The following CUX1 variants were observed in gnomAD, a reference collection of about 807,000 sequenced individuals.
CUX1 encodes protein CASP.
A neutral mutation model predicts 158.8 loss-of-function variants in CUX1; 31 were observed. The observed-to-expected ratio is 0.20, with a 90% confidence interval of 0.15 to 0.26. The LOEUF (loss-of-function observed/expected upper bound fraction) is 0.26, where lower values mean the gene tolerates loss of function less well. Among genes scored for constraint, CUX1 ranks in the 10% least tolerant of loss-of-function variants. The pLI, the probability that CUX1 is intolerant of heterozygous loss-of-function variation, is 1.00. For synonymous variants in CUX1, 879 were observed against 862.1 expected (o/e 1.02, Z -0.34); for missense variants, 1,589 against 2,014.6 (o/e 0.79, Z 4.04).
At position 102,258,065 on chromosome 7, in the gene CUX1, T is replaced by G. The variant is rs1790098823; in HGVS notation, c.*9023T>G. On this transcript the variant is annotated 3_prime_UTR_variant, in exon 24 of 24. Coordinates refer to ENST00000292535, the MANE Select transcript of CUX1 (RefSeq NM_181552.4). ...GGAGGCACCCGTCGGCCCCTTGGTG[T>G]TGTCCCTCTGTCTTTGGTTAGCCAT... 2 of 985,246 alleles carry G rather than the reference T, an allele frequency of 2.0e-6. No homozygotes were observed. The highest frequency in any genetic ancestry group is 3.5e-5 in the African/African-American group (2 of 57,206). 61.0% of individuals were successfully genotyped at this position (985,246 alleles called of 1,614,324 possible).
intron 2 of CUX1, among the ~76,000 whole-genome samples, chr7:102,020,003 C>T (rs1299832629): frequency 6.6e-6 from 1 of 152,108 alleles, no homozygotes; most frequent in Non-Finnish European, 1.5e-5. Flanking sequence ...AAAGACTATT[C>T]ATTTATTTCA....
At position 101,817,677 on chromosome 7, in the gene CUX1, G is replaced by A. The variant is rs908228533; in HGVS notation, c.30+8G>A. ...GCCGGAGCCAGGTTGAAGGTGAGCG[G>A]CGTGTGGGCCAGAAGTCCCGAGGTT... is the stretch of plus-strand genomic sequence containing the variant. On this transcript the variant is annotated splice_region_variant and intron_variant, in intron 1 of 23. Coordinates refer to ENST00000292535, the MANE Select transcript of CUX1 (RefSeq NM_181552.4). This position sits in a 1 kb window ranked among gnomAD's most constrained non-coding sequence, Gnocchi z 4.1. 6.4e-7 allele frequency: 1 copy of A among 1,551,582 alleles called. No homozygotes were observed. Among genetic ancestry groups the A allele is most frequent in the Non-Finnish European group, 8.7e-7 (1 of 1,147,502 alleles).
At chr7:101,999,845 T>G (rs1235167817) in intron 2 of CUX1, among the ~76,000 whole-genome samples, 1 of 152,218 alleles carries the variant, frequency 6.6e-6, no homozygotes, top group African/African-American at 2.4e-5. Context: ...TGAAATCCTT[T>G]GTCCCAAACC....
chr7:101,984,444 TC>T (rs1340424645), intron 2 of CUX1, among the ~76,000 whole-genome samples: 5 of 150,568 alleles, frequency 3.3e-5, no homozygotes, highest in African/African-American at 7.4e-5. Context: ...GTGTAAATAT[TC>T]TCTTCCGTGC....
Position 102,234,291 on chromosome 7 carries a change from G to T in CUX1, c.3622+51G>T, listed in dbSNP as rs372419470. ...CGGCTGCGTCCGCATTCATAGACAG[G>T]CTGTTTCTTTCAAATCTTTCACACA... On this transcript the variant is annotated intron_variant, in intron 22 of 23. Coordinates refer to ENST00000292535, the MANE Select transcript of CUX1 (RefSeq NM_181552.4). 8 of 1,421,058 alleles carry T rather than the reference G, an allele frequency of 5.6e-6. 1 individual carries two copies. Among genetic ancestry groups the T allele is most frequent in the Admixed American group, 5.4e-5 (2 of 37,098 alleles). The allele number at this position is 1,421,058 out of a possible 1,614,324, so 88.0% of individuals were successfully genotyped here.
intron 2 of CUX1, among the ~76,000 whole-genome samples, chr7:101,935,012 C>T (rs574846612): frequency 2.5e-4 from 38 of 152,114 alleles, no homozygotes; most frequent in South Asian, 4.1e-4. Flanking sequence ...GGGACAGATC[C>T]GACTTGGAGA....
At chr7:102,046,513 G>A (rs574063965) in intron 3 of CUX1, among the ~76,000 whole-genome samples, 1 of 150,484 alleles carries the variant, frequency 6.6e-6, no homozygotes, top group Non-Finnish European at 1.5e-5. Context: ...GATTACAGGC[G>A]TAAGCCACTG....
chr7:101,903,353 C>T (rs1802364280), intron 1 of CUX1, among the ~76,000 whole-genome samples: 1 of 152,042 alleles, frequency 6.6e-6, no homozygotes, highest in Non-Finnish European at 1.5e-5. Flanking sequence ...AGAACCGTAC[C>T]CTAGGGGGCT....
intron 3 of CUX1, among the ~76,000 whole-genome samples, chr7:102,069,678 G>A (rs771558770): frequency 6.6e-5 from 10 of 152,186 alleles, no homozygotes; most frequent in African/African-American, 1.2e-4. Flanking sequence ...AACCTGGGAG[G>A]CAGAGGTTGC....
intron 1 of CUX1, among the ~76,000 whole-genome samples, chr7:101,839,315 T>C (rs536926075): frequency 1.3e-5 from 2 of 151,628 alleles, no homozygotes; most frequent in East Asian, 3.9e-4. Context: ...AGCCCCTCCA[T>C]GCACAGCACT....
At chr7:101,833,867 C>A (rs1794331493) in intron 1 of CUX1, among the ~76,000 whole-genome samples, 1 of 152,120 alleles carries the variant, frequency 6.6e-6, no homozygotes, top group South Asian at 2.1e-4. Context: ...GCAATTTTCC[C>A]CCCCAAATCA....
chr7:102,223,904 A>G (rs1212377787), intron 20 of CUX1, among the ~76,000 whole-genome samples: 1 of 152,106 alleles, frequency 6.6e-6, no homozygotes, highest in Non-Finnish European at 1.5e-5. Flanking sequence ...GGGAGGCGGA[A>G]GTTGCAGTGA....
intron 3 of CUX1, among the ~76,000 whole-genome samples, chr7:102,058,663 A>C (rs10231704): frequency 0.15 from 22,168 of 152,208 alleles, 1,695 homozygotes; most frequent in Middle Eastern, 0.22. Flanking sequence ...TTGCATTGTG[A>C]AAGTCTTGCT....
intron 2 of CUX1, among the ~76,000 whole-genome samples, chr7:101,921,669 C>T (rs566331431): frequency 7.8e-4 from 118 of 152,216 alleles, no homozygotes; most frequent in African/African-American, 2.7e-3. Context: ...ACCATGTTGG[C>T]CAGGCTGGTC....
At chr7:102,273,279 A>C in intron 14 of CUX1, 1 of 1,530,358 alleles carries the variant, frequency 6.5e-7, no homozygotes, top group Admixed American at 1.9e-5. Flanking sequence ...CTGCTTCCAG[A>C]CCGTGGGTTG....
chr7:101,830,835 A>C (rs1793903833), intron 1 of CUX1, among the ~76,000 whole-genome samples: 1 of 152,158 alleles, frequency 6.6e-6, no homozygotes, highest in African/African-American at 2.4e-5. Flanking sequence ...TTAAAGACAA[A>C]ATATGCAAAA....
chr7:102,158,993 G>A (rs1008959209), intron 9 of CUX1, among the ~76,000 whole-genome samples: 1 of 151,762 alleles, frequency 6.6e-6, no homozygotes, highest in Admixed American at 6.6e-5. Flanking sequence ...ATCTCACCAC[G>A]GTGTTATCCT....
intron 23 of CUX1, among the ~76,000 whole-genome samples, chr7:102,241,961 C>A (rs1800265311): frequency 6.6e-6 from 1 of 152,166 alleles, no homozygotes; most frequent in African/African-American, 2.4e-5. Flanking sequence ...TAGAGCCAGA[C>A]CCTGTCTCAA....
chr7:102,221,986 C>T (rs528025421), intron 20 of CUX1, among the ~76,000 whole-genome samples: 12 of 152,168 alleles, frequency 7.9e-5, no homozygotes, highest in East Asian at 5.8e-4. Flanking sequence ...AGGCTGGATG[C>T]GGTGACTCAT....
Sources: gnomAD v4.1 joint callset for allele counts (sites outside exome capture counted in the v4.1 genomes callset) on GRCh38, gnomAD v4.1.1 for gene constraint, Gnocchi (gnomAD v3.1) non-coding constraint, MANE v1.5 for transcripts, NCBI Gene and HGNC (gene_info 2026-07-23, HGNC 2026-07-21) for gene names.